Variants in SLC22A14 observed in about 807,000 individuals in gnomAD.
SLC22A14 encodes the protein organic cation transporter-like 4.
Under a neutral mutation model 53.9 loss-of-function variants are expected in SLC22A14, and 50 were observed. That is an observed-to-expected ratio of 0.93 (90% CI 0.74 to 1.17). SLC22A14 has a LOEUF of 1.17. Ranked by LOEUF, SLC22A14 falls within the 50% of genes most tolerant of loss-of-function variation. The probability of loss-of-function intolerance (pLI) is 0.00; values close to 1 mark genes in which losing one functional copy is unlikely to be tolerated. For synonymous variants in SLC22A14, 312 were observed against 303.0 expected, an observed-to-expected ratio of 1.03 and a Z score of -0.31; for missense variants, 671 against 734.7, an observed-to-expected ratio of 0.91 and a Z score of 1.00.
At chr3:38,312,910 G>A in intron 5 of SLC22A14, 89 bp from the exon 6 acceptor site, 1 of 1,510,706 alleles carries the variant, frequency 6.6e-7, no homozygotes, top group Non-Finnish European at 9.0e-7. Flanking sequence ...TGCTGGCACA[G>A]GATGGCCACA....
At chr3:38,305,894 C>T (rs1704285770) in intron 1 of SLC22A14, 133 bp from the exon 2 acceptor site, 1 of 834,766 alleles carries the variant, frequency 1.2e-6, no homozygotes, top group South Asian at 1.7e-5. Flanking sequence ...GAGGGAACTA[C>T]TGAGAACGTC....
At chr3:38,283,871 G>T (rs1703728955) in intron 1 of SLC22A14, among the ~76,000 whole-genome samples, 1 of 152,126 alleles carries the variant, frequency 6.6e-6, no homozygotes, top group Admixed American at 6.6e-5. Context: ...AAAAAACAGA[G>T]CAGACTCTCA....
At chr3:38,303,689 C>T (rs1453439483) in intron 1 of SLC22A14, 1 of 152,096 alleles carries the variant, frequency 6.6e-6, no homozygotes, top group Non-Finnish European at 1.5e-5. Flanking sequence ...AATTTGCTTA[C>T]ATTTTTCCCA....
chr3:38,310,091 A>G (rs968423530), intron 5 of SLC22A14, among the ~76,000 whole-genome samples: 1 of 152,154 alleles, frequency 6.6e-6, no homozygotes, highest in Admixed American at 6.5e-5. Context: ...GGTTAACAGC[A>G]TGGGGGCTGG....
intron 7 of SLC22A14, 113 bp downstream of exon 7, chr3:38,313,598 C>T: frequency 1.0e-6 from 1 of 952,844 alleles, no homozygotes; most frequent in South Asian, 1.3e-5. Context: ...GGACACAGAT[C>T]ACAGGTCTCT....
chr3:38,284,163 G>A (rs1295244194), intron 1 of SLC22A14, among the ~76,000 whole-genome samples: 2 of 152,178 alleles, frequency 1.3e-5, no homozygotes, highest in Non-Finnish European at 2.9e-5. Context: ...GTGACTGGTA[G>A]AAAACTAGGG....
Position 38,313,503 on chromosome 3 carries a change from G to A in SLC22A14, c.1163+18G>A, listed in dbSNP as rs778636799. 15 of 1,557,374 alleles carry A rather than the reference G, an allele frequency of 9.6e-6. No homozygotes were observed. The highest frequency in any genetic ancestry group is 2.2e-5 in the South Asian group (2 of 89,934). ...TGTGTGTGGTGAGTATCCAGGGCTC[G>A]CTGGCAGGGACTGCGAACAGGTGCG... On this transcript the variant is annotated intron_variant, in intron 7 of 10. Transcript: ENST00000448498.
upstream of SLC22A14, among the ~76,000 whole-genome samples, chr3:38,279,089 G>A (rs1318615315): frequency 1.3e-5 from 2 of 152,162 alleles, no homozygotes; most frequent in East Asian, 1.9e-4. Context: ...GGGGTTGGGC[G>A]TAGATGCTGG....
At chr3:38,306,655 G>A in intron 2 of SLC22A14, 113 bp downstream of exon 2, 3 of 1,041,718 alleles carry the variant, frequency 2.9e-6, no homozygotes, top group South Asian at 3.1e-5. Flanking sequence ...CCATTGGCCT[G>A]AGGTCAACCT....
chr3:38,292,332 G>A (rs1195575651), intron 1 of SLC22A14, among the ~76,000 whole-genome samples: 1 of 152,196 alleles, frequency 6.6e-6, no homozygotes, highest in East Asian at 1.9e-4. Flanking sequence ...GAGTCAGGAT[G>A]TACAGGGATG....
At chr3:38,317,983 C>G (rs1422235608) in intron 10 of SLC22A14, among the ~76,000 whole-genome samples, 1 of 152,142 alleles carries the variant, frequency 6.6e-6, no homozygotes, top group Non-Finnish European at 1.5e-5. Context: ...GGACCAACTT[C>G]AAAGACAGAA....
rs1482601384 is a variant in SLC22A14 at position 38,316,518 on chromosome 3, A to G, written c.1727A>G (p.Gln576Arg). Residue 576 changes from glutamine to arginine, a missense_variant, in exon 10 of 11, where the codon CAG (glutamine) becomes CGG (arginine). Physicochemically the swap from Gln to Arg is conservative, Grantham distance 43 (BLOSUM62 1). Transcript: ENST00000448498. Reference protein sequence around the residue: ...PLSESLNHSSQIRNKVKDMKT... With the variant: ...PLSESLNHSSRIRNKVKDMKT... ...TCCGAGAGCCTGAACCACTCCTCAC[A>G]GATAAGGTAGGTGTGGGAGCCTCCT... 3.1e-6 allele frequency: 5 copies of G among 1,613,794 alleles called. No homozygotes were observed. The highest frequency in any genetic ancestry group is 4.2e-6 in the Non-Finnish European group (5 of 1,179,906).
At chr3:38,284,240 G>A (rs1703739020) in intron 1 of SLC22A14, among the ~76,000 whole-genome samples, 2 of 152,228 alleles carry the variant, frequency 1.3e-5, no homozygotes, top group Non-Finnish European at 2.9e-5. Context: ...CGCCCTGTCC[G>A]ATAGTAGAGC....
At chr3:38,305,638 T>C in intron 1 of SLC22A14, 1 of 174,478 alleles carries the variant, frequency 5.7e-6, no homozygotes, top group Non-Finnish European at 1.2e-5. Flanking sequence ...ATGCAGATCT[T>C]TGTTTGTTTT....
At chr3:38,294,994 T>TGGG (rs775595185) in intron 1 of SLC22A14, among the ~76,000 whole-genome samples, 3 of 152,252 alleles carry the variant, frequency 2.0e-5, no homozygotes, top group Non-Finnish European at 4.4e-5. Flanking sequence ...CTTTAAGGCT[T>TGGG]GGCTGAGTGC....
intron 1 of SLC22A14, among the ~76,000 whole-genome samples, chr3:38,289,765 C>T (rs1406091908): frequency 2.0e-5 from 3 of 152,146 alleles, no homozygotes; most frequent in Non-Finnish European, 4.4e-5. Context: ...TGGAAGTCAG[C>T]GGCGGGTCTG....
rs141216256 is a variant in SLC22A14, at chr3:38,306,115, A to G, written c.89A>G (p.His30Arg). ...LNQHEVAGHP[H>R]SWSLEMLLRR... Reference sequence around the variant, plus strand: ...CAGCATGAGGTAGCAGGACATCCACATTCCTGGTCTCTGGAGATGCTGTTA... The same window carrying G: ...CAGCATGAGGTAGCAGGACATCCACGTTCCTGGTCTCTGGAGATGCTGTTA... The change falls in exon 2 of 11, where the codon CAT becomes CGT. Residue 30 changes from histidine to arginine, a missense_variant. Coordinates refer to ENST00000448498, the MANE Select transcript of SLC22A14 (RefSeq NM_001320033.2). The G allele has an allele frequency of 5.6e-6, 9 of 1,614,124 alleles. No homozygotes were observed. In the East Asian group the frequency reaches 1.3e-4, roughly 24 times the overall value.
At chr3:38,315,015 C>T (rs1031776439) in intron 8 of SLC22A14, among the ~76,000 whole-genome samples, 6 of 152,238 alleles carry the variant, frequency 3.9e-5, no homozygotes, top group African/African-American at 1.4e-4. Flanking sequence ...CCCCCAGCTT[C>T]ACCAGGTCTG....
At chr3:38,298,450 CTAT>C (rs1704088352) in intron 1 of SLC22A14, among the ~76,000 whole-genome samples, 1 of 151,970 alleles carries the variant, frequency 6.6e-6, no homozygotes, top group Non-Finnish European at 1.5e-5. Flanking sequence ...ATCTATCTAT[CTAT>C]CTATCTATCT....
Sources: gnomAD v4.1 joint callset for allele counts (sites outside exome capture counted in the v4.1 genomes callset) on GRCh38, gnomAD v4.1.1 for gene constraint, MANE v1.5 for transcripts, NCBI Gene and HGNC (gene_info 2026-07-23, HGNC 2026-07-21) for gene names.